The following TBCA variants were observed in gnomAD, a reference collection of about 807,000 sequenced individuals.
The protein encoded by TBCA is tubulin folding cofactor A.
TBCA carries 6 observed loss-of-function variants against 15.8 expected under a neutral mutation model. That is an observed-to-expected ratio of 0.38 (90% CI 0.21 to 0.75). The LOEUF is 0.75. Ranked by LOEUF, TBCA falls within the 30% of genes least tolerant of loss-of-function variation. The pLI, the probability that TBCA is intolerant of heterozygous loss-of-function variation, is 0.46. For missense variants in TBCA, 90 were observed against 131.2 expected (o/e 0.69, Z 1.53); for synonymous variants, 32 against 42.3 (o/e 0.76, Z 0.94).
chr5:77,773,312 C>T (rs965680140), intron 1 of TBCA, among the ~76,000 whole-genome samples: 5 of 151,136 alleles, frequency 3.3e-5, no homozygotes, highest in Non-Finnish European at 7.4e-5. Flanking sequence ...TGCATTGCCA[C>T]TAACTAGTAG....
chr5:77,762,299 C>T (rs1377386545), intron 1 of TBCA, among the ~76,000 whole-genome samples: 2 of 152,138 alleles, frequency 1.3e-5, no homozygotes, highest in African/African-American at 4.8e-5. Flanking sequence ...TCTCCCAAGA[C>T]TAATTCTACT....
chr5:77,721,471 CATT>C (rs1746526595), intron 1 of TBCA, among the ~76,000 whole-genome samples: 2 of 152,106 alleles, frequency 1.3e-5, no homozygotes, highest in South Asian at 2.1e-4. Context: ...ACAAAATAAT[CATT>C]ATTAATAATT....
chr5:77,772,531 T>A (rs369867106), intron 1 of TBCA, among the ~76,000 whole-genome samples: 1 of 151,182 alleles, frequency 6.6e-6, no homozygotes, highest in Admixed American at 6.6e-5. Flanking sequence ...ATGGAAAGAG[T>A]CATAGCAAAA....
At chr5:77,721,981 G>GA (rs1561270595) in intron 1 of TBCA, among the ~76,000 whole-genome samples, 1 of 151,870 alleles carries the variant, frequency 6.6e-6, no homozygotes, top group Non-Finnish European at 1.5e-5. Context: ...GTAAAAACAC[G>GA]AAAAATCTCT....
intron 1 of TBCA, among the ~76,000 whole-genome samples, chr5:77,748,436 ATCTAAGAATC>A (rs1169948440): frequency 6.6e-6 from 1 of 151,638 alleles, no homozygotes; most frequent in Non-Finnish European, 1.5e-5. Flanking sequence ...AAATGAGAAT[ATCTAAGAATC>A]TCTAAGGGAT....
At chr5:77,732,557 A>C (rs1216585041) in intron 1 of TBCA, among the ~76,000 whole-genome samples, 9 of 59,032 alleles carry the variant, frequency 1.5e-4, no homozygotes, top group African/African-American at 4.5e-4. Flanking sequence ...TCTCAAAAAA[A>C]AAAAAAAAAA....
chr5:77,744,626 C>T (rs1747137786), intron 1 of TBCA, among the ~76,000 whole-genome samples: 1 of 149,420 alleles, frequency 6.7e-6, no homozygotes, highest in Admixed American at 6.7e-5. Context: ...ACCTCCGCCT[C>T]CCAGGTTCAA....
chr5:77,715,554 C>A (rs1746378299), intron 1 of TBCA, among the ~76,000 whole-genome samples: 3 of 152,076 alleles, frequency 2.0e-5, no homozygotes, highest in African/African-American at 4.8e-5. Flanking sequence ...GGAACCTCAT[C>A]CCCCTGACAC....
intron 1 of TBCA, among the ~76,000 whole-genome samples, chr5:77,748,448 C>G (rs1419439398): frequency 6.6e-6 from 1 of 150,444 alleles, no homozygotes; most frequent in African/African-American, 2.4e-5. Context: ...CTAAGAATCT[C>G]TAAGGGATAC....
In TBCA at chr5:77,776,297, G is replaced by C. The variant is rs4024280; in HGVS notation, c.-40C>G. On this transcript the variant is annotated 5_prime_UTR_variant, in exon 1 of 4. Transcript: ENST00000380377. ...CGCGAGAAGGAGGGGCGGAGAGCCG[G>C]GGTAACCGTGGAGGGCGACGCGCAG... The C allele has an allele frequency of 0.11, 164,378 of 1,559,268 alleles. 9,661 individuals carry two copies. The highest frequency in any genetic ancestry group is 0.15 in the Middle Eastern group (657 of 4,374).
At chr5:77,720,854 G>A (rs1002097703) in intron 1 of TBCA, among the ~76,000 whole-genome samples, 5 of 152,180 alleles carry the variant, frequency 3.3e-5, no homozygotes, top group Admixed American at 2.6e-4. Flanking sequence ...TTCCAAAATT[G>A]TTATATATAA....
At chr5:77,706,748 T>C (rs367619025) in intron 2 of TBCA, among the ~76,000 whole-genome samples, 1 of 147,652 alleles carries the variant, frequency 6.8e-6, no homozygotes, top group South Asian at 2.1e-4. Context: ...GAGGCAAAGG[T>C]TGCAGTGAGC....
intron 1 of TBCA, among the ~76,000 whole-genome samples, chr5:77,724,985 T>C (rs1315513830): frequency 6.6e-6 from 1 of 152,212 alleles, no homozygotes; most frequent in Non-Finnish European, 1.5e-5. Context: ...CTTTCAAAAA[T>C]ACCTCTCAGC....
chr5:77,730,279 C>CAT (rs1019257543), intron 1 of TBCA, among the ~76,000 whole-genome samples: 1 of 152,064 alleles, frequency 6.6e-6, no homozygotes, highest in African/African-American at 2.4e-5. Context: ...AGGGAAGACA[C>CAT]ATAAGGTAGA....
intron 1 of TBCA, among the ~76,000 whole-genome samples, chr5:77,761,232 G>A (rs1434854582): frequency 6.6e-6 from 1 of 151,992 alleles, no homozygotes; most frequent in Non-Finnish European, 1.5e-5. Context: ...AGATCAGATT[G>A]TTACCGTGTC....
intron 1 of TBCA, 107 bp from the exon 2 acceptor site, chr5:77,708,454 A>AT: frequency 1.6e-6 from 1 of 613,454 alleles, no homozygotes; most frequent in Non-Finnish European, 2.8e-6. Context: ...CAAAGTAGAT[A>AT]TACTAGATGG....
At chr5:77,706,405 C>T (rs1746150186) in intron 2 of TBCA, among the ~76,000 whole-genome samples, 1 of 151,970 alleles carries the variant, frequency 6.6e-6, no homozygotes, top group Non-Finnish European at 1.5e-5. Context: ...ATGTCCCATT[C>T]CTGGTGAAAG....
chr5:77,773,981 T>A (rs1382895922), intron 1 of TBCA, among the ~76,000 whole-genome samples: 1 of 152,156 alleles, frequency 6.6e-6, no homozygotes, highest in Non-Finnish European at 1.5e-5. Context: ...AAAAACAAAA[T>A]TCTAAGCTCC....
intron 2 of TBCA, among the ~76,000 whole-genome samples, chr5:77,696,328 T>C (rs72772813): frequency 0.059 from 8,998 of 152,216 alleles, 424 homozygotes; most frequent in Non-Finnish European, 0.087. Context: ...CTTTAGATGG[T>C]AGTAAAATGT....
Sources: allele counts gnomAD v4.1 joint callset (sites outside exome capture counted in the v4.1 genomes callset), GRCh38; gene constraint gnomAD v4.1.1; transcripts MANE v1.5; gene names NCBI Gene and HGNC (gene_info 2026-07-23, HGNC 2026-07-21).